Variants in GNAT3 observed in about 807,000 individuals in gnomAD.
GNAT3 encodes guanine nucleotide-binding protein G(t) subunit alpha-3.
A neutral mutation model predicts 37.7 loss-of-function variants in GNAT3; 31 were observed. The observed-to-expected ratio is 0.82, with a 90% CI of 0.62 to 1.11. The LOEUF is 1.11. Among genes scored for constraint, GNAT3 ranks in the 50% most tolerant of loss-of-function variants. The probability of loss-of-function intolerance (pLI) is 0.00; values close to 1 mark genes in which losing one functional copy is unlikely to be tolerated. For synonymous variants in GNAT3, 138 were observed against 139.8 expected (o/e 0.99, Z 0.09); for missense variants, 437 against 412.5 (o/e 1.06, Z -0.51).
chr7:80,472,427 T>C (rs6947745), intron 5 of GNAT3, among the ~76,000 whole-genome samples: 101,082 of 151,972 alleles, frequency 0.67, 35,748 homozygotes, highest in Middle Eastern at 0.8. Context: ...ATAGATAAGA[T>C]GGTTATGCCT....
Position 80,511,851 on chromosome 7 carries a change from C to T in GNAT3, c.76G>A (p.Asp26Asn), listed in dbSNP as rs753586831. 1.2e-6 allele frequency: 2 copies of T among 1,612,126 alleles called. No homozygotes were observed. Among genetic ancestry groups the T allele is most frequent in the African/African-American group, 2.7e-5 (2 of 74,878 alleles). The change falls in exon 1 of 8, where the codon GAT becomes AAT. Residue 26 changes from aspartate (D) to asparagine (N), a missense_variant. Asp to Asn is a conservative substitution (Grantham distance 23, BLOSUM62 1). Coordinates refer to ENST00000398291, the MANE Select transcript of GNAT3 (RefSeq NM_001102386.3). ...ACGGTTCTTGCATCTCGCTCAGCAT[C>T]CTCCTGAAGCTTTTTCTCCAGTTCT... The part of the protein sequence containing the change: ...SKELEKKLQE[D>N]AERDARTVKL...
chr7:80,488,963 A>G (rs747082057), intron 2 of GNAT3, among the ~76,000 whole-genome samples: 1 of 152,240 alleles, frequency 6.6e-6, no homozygotes, highest in East Asian at 1.9e-4. Context: ...CATTATACTT[A>G]GAAAGTCTAT....
chr7:80,511,726 C>T (rs1378816951), intron 1 of GNAT3, 83 bp downstream of exon 1: 52 of 794,102 alleles, frequency 6.5e-5, no homozygotes, highest in Non-Finnish European at 9.8e-5. Flanking sequence ...ATAATACACT[C>T]GAAATTAAAG....
intron 4 of GNAT3, among the ~76,000 whole-genome samples, chr7:80,477,661 CT>C (rs1295647396): frequency 2.6e-5 from 4 of 152,246 alleles, no homozygotes; most frequent in Admixed American, 1.3e-4. Context: ...CTTCATTGTT[CT>C]GTCCTTAACC....
intron 1 of GNAT3, among the ~76,000 whole-genome samples, chr7:80,497,629 C>CATATACGTATATGT (rs2116214880): frequency 8.6e-6 from 1 of 116,280 alleles, no homozygotes; most frequent in South Asian, 2.4e-4. Flanking sequence ...TACGTATATA[C>CATATACGTATATGT]ATATACGTAT....
chr7:80,506,696 G>A (rs1192246359), intron 1 of GNAT3, among the ~76,000 whole-genome samples: 1 of 152,056 alleles, frequency 6.6e-6, no homozygotes. Flanking sequence ...GAATATTCAT[G>A]CATCCCAAAG....
intron 5 of GNAT3, among the ~76,000 whole-genome samples, chr7:80,465,229 CT>C (rs1790112411): frequency 6.6e-6 from 1 of 152,016 alleles, no homozygotes; most frequent in Non-Finnish European, 1.5e-5. Context: ...GTTGAAATTA[CT>C]TTTAAAGTAT....
At chr7:80,488,301 A>C (rs1356120449) in intron 3 of GNAT3, among the ~76,000 whole-genome samples, 1 of 152,162 alleles carries the variant, frequency 6.6e-6, no homozygotes, top group African/African-American at 2.4e-5. Flanking sequence ...TTTGATATTA[A>C]GTTTAATCCT....
intron 4 of GNAT3, among the ~76,000 whole-genome samples, 166 bp from the exon 5 acceptor site, chr7:80,474,545 A>G (rs1790274026): frequency 1.3e-5 from 2 of 152,134 alleles, no homozygotes; most frequent in Admixed American, 1.3e-4. Flanking sequence ...TTTTTAGCGT[A>G]GGTTCTATGA....
chr7:80,487,653 T>G (rs1448610447), intron 3 of GNAT3: 1 of 152,176 alleles, frequency 6.6e-6, no homozygotes, highest in Admixed American at 6.6e-5. Flanking sequence ...ATCCTTACTA[T>G]GCTTTTGCTC....
intron 2 of GNAT3, among the ~76,000 whole-genome samples, chr7:80,492,128 G>A (rs1274826020): frequency 5.3e-5 from 8 of 150,066 alleles, no homozygotes; most frequent in Non-Finnish European, 8.9e-5. Flanking sequence ...TCAGGAGTTC[G>A]AGACCAGCCT....
chr7:80,474,446 T>C, intron 4 of GNAT3, 67 bp from the exon 5 acceptor site: 1 of 672,918 alleles, frequency 1.5e-6, no homozygotes, highest in Non-Finnish European at 2.5e-6. Flanking sequence ...TATATGTATA[T>C]ATACACACAT....
chr7:80,483,831 C>A (rs761215805), intron 3 of GNAT3, among the ~76,000 whole-genome samples: 1 of 152,114 alleles, frequency 6.6e-6, no homozygotes, highest in Non-Finnish European at 1.5e-5. Flanking sequence ...CCACATTTTT[C>A]AAATAACACC....
Position 80,458,884 on chromosome 7 carries a change from G to C in GNAT3, c.875-23C>G, listed in dbSNP as rs758979711. The C allele has an allele frequency of 4.1e-6, 6 of 1,448,616 alleles. No individual in the cohort carries two copies. In the East Asian group the frequency reaches 1.2e-4, roughly 29 times the overall value. 89.7% of individuals were successfully genotyped at this position (1,448,616 alleles called of 1,614,324 possible). A position where few individuals can be genotyped will look rare whatever the true frequency, so the allele number is the denominator to read the frequency against. ...GCCCTTGTTAAACAAAATATTTGAA[G>C]AAGTAAAGATTAATCATATGTTACA... On this transcript the variant is annotated intron_variant, in intron 7 of 7. Coordinates refer to ENST00000398291, the MANE Select transcript of GNAT3 (RefSeq NM_001102386.3).
intron 1 of GNAT3, 68 bp from the exon 2 acceptor site, chr7:80,494,715 CT>C: frequency 2.2e-6 from 2 of 906,212 alleles, no homozygotes; most frequent in Non-Finnish European, 3.5e-6. Context: ...AAAACTATCA[CT>C]TTTCATGGAT....
intron 7 of GNAT3, among the ~76,000 whole-genome samples, chr7:80,459,916 G>A (rs1790021029): frequency 6.6e-6 from 1 of 152,138 alleles, no homozygotes; most frequent in Admixed American, 6.5e-5. Context: ...CACTTTGAAA[G>A]GCAATTTGGC....
rs1789997368 is a variant in GNAT3 at position 80,458,779 on chromosome 7, A to C, written c.957T>G (p.Ile319Met). The change falls in exon 8 of 8, where the codon ATT (isoleucine) becomes ATG (methionine). Residue 319 changes from isoleucine to methionine, a missense_variant. Ile to Met is a conservative substitution (Grantham distance 10). Coordinates refer to ENST00000398291, the MANE Select transcript of GNAT3 (RefSeq NM_001102386.3). ...DLNLKKEDKE[I>M]YSHMTCATDT... ...CAGTAGCACAGGTCATGTGGGAATA[A>C]ATTTCCTTATCTTCTTTTTTTAAAT... The C allele has an allele frequency of 1.3e-6, 2 of 1,597,808 alleles. No individual in the cohort carries two copies.
At chr7:80,491,200 G>A (rs1310229501) in intron 2 of GNAT3, among the ~76,000 whole-genome samples, 1 of 151,162 alleles carries the variant, frequency 6.6e-6, no homozygotes, top group Non-Finnish European at 1.5e-5. Flanking sequence ...TTGTGTAGAT[G>A]TGGCATGACT....
chr7:80,486,179 G>C (rs1301103412), intron 3 of GNAT3, among the ~76,000 whole-genome samples: 2 of 152,132 alleles, frequency 1.3e-5, no homozygotes, highest in African/African-American at 2.4e-5. Flanking sequence ...GAAACTGATA[G>C]AGTTCACATA....
Sources: gnomAD v4.1 joint callset for allele counts (sites outside exome capture counted in the v4.1 genomes callset) on GRCh38, gnomAD v4.1.1 for gene constraint, MANE v1.5 for transcripts, NCBI Gene and HGNC (gene_info 2026-07-23, HGNC 2026-07-21) for gene names.